The following RALGAPA2 variants were observed in gnomAD, a reference collection of about 807,000 sequenced individuals.
RALGAPA2 encodes ral GTPase-activating protein subunit alpha-2.
A neutral mutation model predicts 230.4 loss-of-function variants in RALGAPA2; 139 were observed. The ratio of observed to expected loss-of-function variants is 0.60; its 90% CI spans 0.53 to 0.69. RALGAPA2 has a LOEUF of 0.69. RALGAPA2 is among the 30% of genes least tolerant of loss of function. The pLI, the probability that RALGAPA2 is intolerant of heterozygous loss-of-function variation, is 0.00. For missense variants in RALGAPA2, 2,163 were observed against 2,276.0 expected (o/e 0.95, Z 1.01); for synonymous variants, 847 against 837.8 (o/e 1.01, Z -0.19).
At chr20:20,653,282 C>T (rs1187107867) in intron 4 of RALGAPA2, among the ~76,000 whole-genome samples, 1 of 143,908 alleles carries the variant, frequency 6.9e-6, no homozygotes, top group East Asian at 2.2e-4. Context: ...GCATCTCTAA[C>T]AAGCTTCTGG....
intron 36 of RALGAPA2, among the ~76,000 whole-genome samples, chr20:20,492,833 T>A (rs2062098926): frequency 6.6e-6 from 1 of 152,198 alleles, no homozygotes; most frequent in South Asian, 2.1e-4. Context: ...CGGTTACTGA[T>A]AATTATATTG....
intron 33 of RALGAPA2, among the ~76,000 whole-genome samples, chr20:20,510,151 T>C (rs1327831377): frequency 6.6e-6 from 1 of 152,186 alleles, no homozygotes; most frequent in Non-Finnish European, 1.5e-5. Context: ...CAGCAGGCTC[T>C]AACTCATCGC....
chr20:20,502,303 G>A (rs1248773752), intron 35 of RALGAPA2, among the ~76,000 whole-genome samples: 4 of 152,140 alleles, frequency 2.6e-5, no homozygotes, highest in Non-Finnish European at 5.9e-5. Flanking sequence ...AATAAAGCAG[G>A]TACAGTGAGG....
chr20:20,465,149 T>TCACA (rs74180992), intron 37 of RALGAPA2, among the ~76,000 whole-genome samples: 14,951 of 109,006 alleles, frequency 0.14, 1,293 homozygotes, highest in Middle Eastern at 0.2. Context: ...CCGCAGGCCT[T>TCACA]CACACACACA....
intron 30 of RALGAPA2, among the ~76,000 whole-genome samples, chr20:20,521,592 A>G (rs1480302718): frequency 1.3e-5 from 2 of 152,232 alleles, no homozygotes; most frequent in Non-Finnish European, 2.9e-5. Flanking sequence ...TTTTCACAAG[A>G]TTAGTTCCTG....
intron 37 of RALGAPA2, among the ~76,000 whole-genome samples, chr20:20,441,779 A>G (rs973305084): frequency 2.0e-5 from 3 of 152,216 alleles, no homozygotes; most frequent in Non-Finnish European, 4.4e-5. Context: ...ATGTAGTCTG[A>G]GCTGTTTTGG....
intron 9 of RALGAPA2, 141 bp from the exon 10 acceptor site, chr20:20,629,731 G>T: frequency 1.3e-6 from 1 of 740,938 alleles, no homozygotes; most frequent in Non-Finnish European, 2.2e-6. Context: ...CCAGCTTGAA[G>T]CACGATAGGC....
At chr20:20,601,554 TAG>T (rs2065654000) in intron 16 of RALGAPA2, 126 bp downstream of exon 16, 1 of 883,624 alleles carries the variant, frequency 1.1e-6, no homozygotes, top group African/African-American at 1.7e-5. Context: ...TAAAAAGATG[TAG>T]AGACATTTCA....
At chr20:20,628,310 T>C (rs1269296478) in intron 10 of RALGAPA2, among the ~76,000 whole-genome samples, 2 of 152,208 alleles carry the variant, frequency 1.3e-5, no homozygotes, top group Admixed American at 1.3e-4. Flanking sequence ...TGTCTAAGAC[T>C]CTTCTTCTCC....
chr20:20,606,459 C>G (rs140941746), intron 14 of RALGAPA2, among the ~76,000 whole-genome samples: 2 of 152,306 alleles, frequency 1.3e-5, no homozygotes, highest in East Asian at 3.9e-4. Flanking sequence ...AAAAGGTATT[C>G]AATTTCTTCC....
chr20:20,486,239 A>AT (rs746713884), intron 36 of RALGAPA2, among the ~76,000 whole-genome samples: 621 of 143,446 alleles, frequency 4.3e-3, no homozygotes, highest in Non-Finnish European at 4.4e-3. Context: ...GACTTCTATA[A>AT]TTTTTTTTTT....
At chr20:20,564,038 CA>C (rs1446088222) in intron 23 of RALGAPA2, among the ~76,000 whole-genome samples, 1 of 152,176 alleles carries the variant, frequency 6.6e-6, no homozygotes, top group Non-Finnish European at 1.5e-5. Flanking sequence ...AATTCACCCC[CA>C]CTTTATCACT....
intron 36 of RALGAPA2, among the ~76,000 whole-genome samples, chr20:20,481,426 G>A (rs1290042034): frequency 2.0e-5 from 3 of 152,194 alleles, no homozygotes; most frequent in Non-Finnish European, 4.4e-5. Context: ...GGCCTACCGA[G>A]AGGCAGGCCA....
intron 35 of RALGAPA2, among the ~76,000 whole-genome samples, chr20:20,496,462 A>G (rs1175622714): frequency 6.6e-6 from 1 of 152,222 alleles, no homozygotes; most frequent in Non-Finnish European, 1.5e-5. Flanking sequence ...AAAAGCTGGT[A>G]AGGCCCTCTG....
chr20:20,666,230 C>A (rs1326696558), intron 3 of RALGAPA2, among the ~76,000 whole-genome samples: 1 of 152,174 alleles, frequency 6.6e-6, no homozygotes, highest in Non-Finnish European at 1.5e-5. Flanking sequence ...CAGCTCAGTT[C>A]TTTTAAAAAT....
At chr20:20,577,781 A>G (rs1466441999) in intron 20 of RALGAPA2, among the ~76,000 whole-genome samples, 1 of 152,068 alleles carries the variant, frequency 6.6e-6, no homozygotes, top group South Asian at 2.1e-4. Context: ...GCATTTTTCA[A>G]TCCCTTGAGG....
At chr20:20,572,025 A>G in intron 21 of RALGAPA2, 79 bp from the exon 22 acceptor site, 1 of 926,574 alleles carries the variant, frequency 1.1e-6, no homozygotes, top group Non-Finnish European at 1.7e-6. Context: ...TTCTGTGACC[A>G]TATAGCTGCT....
At chr20:20,710,864 C>T (rs1028562879) in intron 1 of RALGAPA2, among the ~76,000 whole-genome samples, 2 of 152,160 alleles carry the variant, frequency 1.3e-5, no homozygotes, top group African/African-American at 2.4e-5. Context: ...AAGTATCAAA[C>T]GCTTTAAAAC....
chr20:20,694,379 A>G (rs2069029291), intron 1 of RALGAPA2, among the ~76,000 whole-genome samples: 4 of 152,160 alleles, frequency 2.6e-5, no homozygotes, highest in Admixed American at 2.6e-4. Context: ...CATTTCTGTG[A>G]AATTAACTCA....
Sources: gnomAD v4.1 joint callset for allele counts (sites outside exome capture counted in the v4.1 genomes callset) on GRCh38, gnomAD v4.1.1 for gene constraint, MANE v1.5 for transcripts, NCBI Gene and HGNC (gene_info 2026-07-23, HGNC 2026-07-21) for gene names.